Variants in NLRP8 observed in about 807,000 individuals in gnomAD.
The protein encoded by NLRP8 is NACHT, LRR and PYD domains-containing protein 8.
A neutral mutation model predicts 88.7 loss-of-function variants in NLRP8; 86 were observed. The observed-to-expected ratio is 0.97, with a 90% CI of 0.81 to 1.16. The LOEUF (loss-of-function observed/expected upper bound fraction) is 1.16, where lower values mean the gene tolerates loss of function less well. NLRP8 is among the 50% of genes most tolerant of loss of function. The pLI, the probability that NLRP8 is intolerant of heterozygous loss-of-function variation, is 0.00. For missense variants in NLRP8, 1,342 were observed against 1,286.5 expected, an observed-to-expected ratio of 1.04 and a Z score of -0.66; for synonymous variants, 504 against 494.6, an observed-to-expected ratio of 1.02 and a Z score of -0.25.
At chr19:55,964,845 A>G (rs551120858) in intron 4 of NLRP8, among the ~76,000 whole-genome samples, 136 of 152,270 alleles carry the variant, frequency 8.9e-4, no homozygotes, top group Middle Eastern at 6.8e-3. Context: ...ATCAAATTGT[A>G]TATGTTAAAT....
chr19:55,950,064 G>GA (rs1284372751), intron 1 of NLRP8, among the ~76,000 whole-genome samples: 4 of 152,196 alleles, frequency 2.6e-5, no homozygotes, highest in East Asian at 3.9e-4. Flanking sequence ...CAGTGGTAGA[G>GA]AAAATCTTAG....
At chr19:55,985,496 G>T (rs1423169260) in intron 9 of NLRP8, among the ~76,000 whole-genome samples, 1 of 152,078 alleles carries the variant, frequency 6.6e-6, no homozygotes, top group Admixed American at 6.6e-5. Flanking sequence ...ACTAGGGAAA[G>T]GGTAGTATTG....
At position 55,988,119 on chromosome 19, in the gene NLRP8, G is replaced by A. The variant is rs538041299; in HGVS notation, c.*206G>A. 8 of 474,122 alleles carry A rather than the reference G, an allele frequency of 1.7e-5. No homozygotes were observed. The highest frequency in any genetic ancestry group is 4.6e-5 in the South Asian group (2 of 43,152). 29.4% of individuals were successfully genotyped at this position (474,122 alleles called of 1,614,324 possible). On this transcript the variant is annotated 3_prime_UTR_variant, in exon 10 of 10. Coordinates refer to ENST00000291971, the MANE Select transcript of NLRP8 (RefSeq NM_176811.2). Reference sequence around the variant, plus strand: ...ATTAATATGCTATGTAAGGCTGGGCGTGGTGGCTCACGCCTGTAACCCAGC... The same window carrying A: ...ATTAATATGCTATGTAAGGCTGGGCATGGTGGCTCACGCCTGTAACCCAGC...
Position 55,971,948 on chromosome 19 carries a change from T to C in NLRP8, c.2534+1252T>C, listed in dbSNP as rs1237148747. ...TTTTTTTATCATCTGACTGTTCATC[T>C]TAGTTTATCTGATTTGCATGTCTTC... is the stretch of plus-strand genomic sequence containing the variant. On this transcript the variant is annotated intron_variant, in intron 6 of 9. Coordinates refer to ENST00000291971, the MANE Select transcript of NLRP8 (RefSeq NM_176811.2). 3.3e-5 allele frequency among the ~76,000 whole-genome samples: 5 copies of C among 152,294 alleles called. No individual in the cohort carries two copies. The East Asian group carries it at 5.8e-4, about 18-fold the overall frequency.
chr19:55,966,606 A>G (rs1600306865), intron 5 of NLRP8, among the ~76,000 whole-genome samples: 1 of 152,128 alleles, frequency 6.6e-6, no homozygotes, highest in Non-Finnish European at 1.5e-5. Flanking sequence ...CAACCTGGCC[A>G]ACATGGTGAA....
chr19:55,957,219 C>T (rs74608664), intron 3 of NLRP8, among the ~76,000 whole-genome samples: 17,605 of 152,190 alleles, frequency 0.12, 1,199 homozygotes, highest in South Asian at 0.18. Context: ...CCACAGGCAA[C>T]CACTGAGCTC....
chr19:55,979,766 A>T (rs988009157), intron 9 of NLRP8, among the ~76,000 whole-genome samples: 2 of 152,110 alleles, frequency 1.3e-5, no homozygotes, highest in African/African-American at 4.8e-5. Context: ...AAAAAATAGA[A>T]AAATTAACTA....
chr19:55,952,340 C>T (rs1979132083), intron 1 of NLRP8, among the ~76,000 whole-genome samples, 198 bp from the exon 2 acceptor site: 1 of 152,136 alleles, frequency 6.6e-6, no homozygotes, highest in African/African-American at 2.4e-5. Flanking sequence ...TAGAACAACA[C>T]CTTTTCTCAT....
At chr19:55,969,822 G>T (rs1008613650) in intron 5 of NLRP8, among the ~76,000 whole-genome samples, 1 of 152,146 alleles carries the variant, frequency 6.6e-6, no homozygotes, top group South Asian at 2.1e-4. Context: ...TTCTTGCACA[G>T]AACAGAAAGC....
At chr19:55,970,053 A>G (rs1980004860) in intron 5 of NLRP8, among the ~76,000 whole-genome samples, 1 of 152,220 alleles carries the variant, frequency 6.6e-6, no homozygotes, top group Admixed American at 6.5e-5. Flanking sequence ...ATTGAGGTCT[A>G]TTGCACAGCA....
intron 3 of NLRP8, among the ~76,000 whole-genome samples, chr19:55,959,681 G>A (rs1208910358): frequency 6.6e-6 from 1 of 152,152 alleles, no homozygotes; most frequent in Non-Finnish European, 1.5e-5. Flanking sequence ...GATGAACTGG[G>A]AAACAAGAGA....
chr19:55,949,639 G>T (rs1043485380), intron 1 of NLRP8, among the ~76,000 whole-genome samples: 1 of 152,104 alleles, frequency 6.6e-6, no homozygotes, highest in African/African-American at 2.4e-5. Context: ...CAGAGAAGGG[G>T]GGACTACTGT....
intron 3 of NLRP8, among the ~76,000 whole-genome samples, chr19:55,958,162 G>C (rs758029802): frequency 2.0e-5 from 3 of 152,190 alleles, no homozygotes; most frequent in Non-Finnish European, 4.4e-5. Flanking sequence ...CCTGGCGAGA[G>C]AGGGGACATT....
chr19:55,983,561 G>A (rs1314032611), intron 9 of NLRP8, among the ~76,000 whole-genome samples: 2 of 151,000 alleles, frequency 1.3e-5, no homozygotes, highest in Admixed American at 1.3e-4. Flanking sequence ...GAGACTCGAT[G>A]TACTCACATG....
intron 9 of NLRP8, among the ~76,000 whole-genome samples, chr19:55,987,539 G>A (rs551531953): frequency 6.6e-6 from 1 of 152,300 alleles, no homozygotes; most frequent in East Asian, 1.9e-4. Flanking sequence ...TGACGGTGTT[G>A]TTTGTCCTGT....
intron 9 of NLRP8, chr19:55,987,796 T>A (rs1218109827): frequency 1.9e-6 from 3 of 1,594,532 alleles, no homozygotes; most frequent in Non-Finnish European, 1.7e-6. Context: ...CCAGCAGCCT[T>A]CCTTTACCTC....
intron 5 of NLRP8, among the ~76,000 whole-genome samples, chr19:55,968,551 G>A (rs528179182): frequency 6.6e-6 from 1 of 152,188 alleles, no homozygotes; most frequent in African/African-American, 2.4e-5. Context: ...GACCAGCCTG[G>A]CCAACATGGT....
intron 3 of NLRP8, among the ~76,000 whole-genome samples, chr19:55,961,425 A>G (rs970542241): frequency 1.3e-5 from 2 of 152,202 alleles, no homozygotes; most frequent in African/African-American, 4.8e-5. Flanking sequence ...TTAAAAAATA[A>G]GAATTATATA....
intron 7 of NLRP8, 84 bp from the exon 8 acceptor site, chr19:55,976,049 C>T: frequency 7.6e-7 from 1 of 1,308,208 alleles, no homozygotes; most frequent in South Asian, 1.7e-5. Context: ...AGAAGTAAAA[C>T]CTAAGGGTGT....
Sources: allele counts gnomAD v4.1 joint callset (sites outside exome capture counted in the v4.1 genomes callset), GRCh38; gene constraint gnomAD v4.1.1; transcripts MANE v1.5; gene names NCBI Gene and HGNC (gene_info 2026-07-23, HGNC 2026-07-21).